The following ERAP1 variants were observed in gnomAD, a reference collection of about 807,000 sequenced individuals.
ERAP1 encodes the protein adipocyte-derived leucine aminopeptidase.
In ERAP1, 86 loss-of-function variants were observed where a neutral mutation model predicts 103.7. That is an observed-to-expected ratio of 0.83 (90% confidence interval 0.70 to 0.99). The LOEUF (loss-of-function observed/expected upper bound fraction) is 0.99. ERAP1 is among the 50% of genes least tolerant of loss of function. The pLI is 0.00. For missense variants in ERAP1, 1,009 were observed against 1,128.4 expected, an observed-to-expected ratio of 0.89 and a Z score of 1.52; for synonymous variants, 398 against 402.4, an observed-to-expected ratio of 0.99 and a Z score of 0.13.
At chr5:96,771,666 C>G (rs755515061), downstream of ERAP1, 1 of 1,611,500 alleles carries the variant, frequency 6.2e-7, no homozygotes, top group Non-Finnish European at 8.5e-7. Context: ...ACTTCCAAGC[C>G]AAAAGATGAC....
At chr5:96,805,838 G>A (rs2151009745) in intron 1 of ERAP1, 1 of 152,370 alleles carries the variant, frequency 6.6e-6, no homozygotes, top group East Asian at 1.9e-4. Flanking sequence ...AAGCATGTAA[G>A]GACTCTGAAA....
the ERAP1 span, among the ~76,000 whole-genome samples, chr5:96,847,675 G>A: frequency 6.6e-6 from 1 of 152,152 alleles, no homozygotes; most frequent in African/African-American, 2.4e-5. Flanking sequence ...AGGAATCATA[G>A]GAAGGTCGCA....
At chr5:96,779,888 A>G (rs1199888775) in intron 18 of ERAP1, among the ~76,000 whole-genome samples, 1 of 152,238 alleles carries the variant, frequency 6.6e-6, no homozygotes, top group Non-Finnish European at 1.5e-5. Flanking sequence ...TGCGAGAATT[A>G]TCCTCAGCCA....
At chr5:96,905,490 T>C in the ERAP1 span, among the ~76,000 whole-genome samples, 385 of 152,316 alleles carry the variant, frequency 2.5e-3, 3 homozygotes, top group East Asian at 0.026. Flanking sequence ...AGAAAACAAT[T>C]TAAAGCTCTC....
rs190224334 is a variant in ERAP1, at chr5:96,763,246, C to T, written c.2819-18G>A. On this transcript the variant is annotated intron_variant, in intron 19 of 19. Transcript: ENST00000296754. Reference sequence around the variant, plus strand: ...AGGATCATCTGAAAATATCCAGAGGCACAAATGACAAAGCCCAGACCTGGC... The same window carrying T: ...AGGATCATCTGAAAATATCCAGAGGTACAAATGACAAAGCCCAGACCTGGC... 7 of 780,668 alleles carry T rather than the reference C, an allele frequency of 9.0e-6. No homozygotes were observed. The Admixed American group carries it at 1.2e-4, about 13-fold the overall frequency. The allele number at this position is 780,668 out of a possible 1,614,324, so 48.4% of individuals were successfully genotyped here. A position where few individuals can be genotyped will look rare whatever the true frequency, so the allele number is the denominator to read the frequency against.
the ERAP1 span, chr5:96,889,219 A>T: frequency 6.0e-5 from 97 of 1,614,214 alleles, 1 homozygote; most frequent in African/African-American, 9.2e-4. Context: ...AAACGGAATC[A>T]AACACATTAT....
chr5:96,919,562 A>G, the ERAP1 span: 1 of 152,280 alleles, frequency 6.6e-6, no homozygotes, highest in Non-Finnish European at 1.5e-5. Flanking sequence ...GTTATTTACA[A>G]TATTGTTAAA....
chr5:96,827,083 A>C, the ERAP1 span, among the ~76,000 whole-genome samples: 1 of 152,240 alleles, frequency 6.6e-6, no homozygotes, highest in Admixed American at 6.5e-5. Flanking sequence ...TCAAAACTGC[A>C]TCAAGAATTT....
At chr5:96,794,593 C>T (rs1216556527) in intron 5 of ERAP1, among the ~76,000 whole-genome samples, 2 of 152,162 alleles carry the variant, frequency 1.3e-5, no homozygotes, top group Admixed American at 6.5e-5. Context: ...GCCCAAGACC[C>T]ACATATACCT....
At chr5:96,782,987 C>T in intron 15 of ERAP1, 64 bp downstream of exon 15, 2 of 1,527,246 alleles carry the variant, frequency 1.3e-6, no homozygotes, top group East Asian at 2.2e-5. Context: ...TGTTTAGTAC[C>T]AATGATGGAA....
At chr5:96,859,638 G>A in the ERAP1 span, among the ~76,000 whole-genome samples, 3 of 152,096 alleles carry the variant, frequency 2.0e-5, no homozygotes, top group Admixed American at 2.0e-4. Context: ...TTAAGACCTT[G>A]GCAAACCACT....
At chr5:96,854,213 C>T in the ERAP1 span, among the ~76,000 whole-genome samples, 15 of 152,128 alleles carry the variant, frequency 9.9e-5, no homozygotes, top group Non-Finnish European at 2.9e-5. Context: ...TTATGAGAAT[C>T]AAATGAGATG....
intron 19 of ERAP1, chr5:96,768,395 TA>T (rs1411076630): frequency 4.4e-6 from 2 of 456,416 alleles, no homozygotes; most frequent in Non-Finnish European, 8.8e-6. Flanking sequence ...TTACAATTTT[TA>T]AACTGTAGAA....
At chr5:96,819,892 C>T in the ERAP1 span, among the ~76,000 whole-genome samples, 1 of 152,182 alleles carries the variant, frequency 6.6e-6, no homozygotes, top group Non-Finnish European at 1.5e-5. Flanking sequence ...TTAATATTTA[C>T]AATTTTGACT....
the ERAP1 span, among the ~76,000 whole-genome samples, chr5:96,894,112 A>G: frequency 6.6e-6 from 1 of 152,216 alleles, no homozygotes; most frequent in Non-Finnish European, 1.5e-5. Context: ...GTATTGAGGC[A>G]GTGGCTATAT....
the ERAP1 span, chr5:96,892,196 G>C: frequency 4.2e-6 from 5 of 1,185,740 alleles, no homozygotes; most frequent in Non-Finnish European, 6.1e-6. Flanking sequence ...CAAAAAGTCT[G>C]CTTAAATATG....
At chr5:96,806,626 T>C (rs1778626453) in intron 1 of ERAP1, among the ~76,000 whole-genome samples, 1 of 18,620 alleles carries the variant, frequency 5.4e-5, no homozygotes, top group African/African-American at 1.5e-4. Context: ...GATCCCTCTT[T>C]TTTTTTTTTT....
intron 3 of ERAP1, among the ~76,000 whole-genome samples, chr5:96,797,692 G>A (rs756752953): frequency 1.4e-4 from 21 of 152,110 alleles, no homozygotes; most frequent in Non-Finnish European, 2.6e-4. Flanking sequence ...TACTTTAAAA[G>A]TTATCTTTCC....
chr5:96,776,015 A>C lies in ERAP1; in HGVS notation c.*381T>G. The stretch of plus-strand genomic sequence containing the variant: ...TCTCAGATCCAGGTGTTCATTGTTC[A>C]GTAGTCGACTATTCAGAGTCTTTCG... On this transcript the variant is annotated 3_prime_UTR_variant, in exon 19 of 19. Transcript: ENST00000443439. 1 of 1,114,824 alleles carries C rather than the reference A, an allele frequency of 9.0e-7. No homozygotes were observed. The highest frequency in any genetic ancestry group is 1.6e-5 in the African/African-American group (1 of 61,018). The allele number at this position is 1,114,824 out of a possible 1,614,324, so 69.1% of individuals were successfully genotyped here.
Sources: gnomAD v4.1 joint callset for allele counts (sites outside exome capture counted in the v4.1 genomes callset) on GRCh38, gnomAD v4.1.1 for gene constraint, MANE v1.5 for transcripts, NCBI Gene and HGNC (gene_info 2026-07-23, HGNC 2026-07-21) for gene names.